TTLL11: variants seen among roughly 807,000 people sequenced by gnomAD.
TTLL11 encodes tubulin tyrosine ligase like 11.
Under a neutral mutation model 51.7 loss-of-function variants are expected in TTLL11, and 42 were observed. The ratio of observed to expected loss-of-function variants is 0.81; its 90% CI spans 0.64 to 1.05. The LOEUF is 1.05. TTLL11 is among the 50% of genes least tolerant of loss of function. The probability of loss-of-function intolerance (pLI) is 0.00; values close to 1 mark genes in which losing one functional copy is unlikely to be tolerated. For synonymous variants in TTLL11, 381 were observed against 383.5 expected (o/e 0.99, Z 0.08); for missense variants, 799 against 940.4 (o/e 0.85, Z 1.97).
At chr9:121,880,686 T>G in intron 6 of TTLL11, among the ~76,000 whole-genome samples, 1 of 152,270 alleles carries the variant, frequency 6.6e-6, no homozygotes, top group East Asian at 1.9e-4. Flanking sequence ...ACTGCCTGGT[T>G]TATGACTATA....
At chr9:121,860,870 C>T (rs1588076540) in intron 7 of TTLL11, among the ~76,000 whole-genome samples, 1 of 152,142 alleles carries the variant, frequency 6.6e-6, no homozygotes, top group Non-Finnish European at 1.5e-5. Context: ...CAGCCTGAAC[C>T]GACTGACATT....
At chr9:121,914,012 C>T (rs1840234415) in intron 6 of TTLL11, among the ~76,000 whole-genome samples, 1 of 152,126 alleles carries the variant, frequency 6.6e-6, no homozygotes, top group South Asian at 2.1e-4. Flanking sequence ...AATTACCATC[C>T]CCACTTTCCA....
At chr9:122,036,565 C>G (rs545860201) in intron 2 of TTLL11, among the ~76,000 whole-genome samples, 2 of 151,748 alleles carry the variant, frequency 1.3e-5, no homozygotes, top group South Asian at 4.2e-4. Flanking sequence ...TAATTTGAAC[C>G]AGGAAATTAC....
In TTLL11 at chr9:122,087,317, C is replaced by T. The variant is rs146559328; in HGVS notation, c.462+5370G>A. Among the ~76,000 whole-genome samples, 619 of 152,204 alleles carry T rather than the reference C, an allele frequency of 4.1e-3. 4 individuals are homozygous for T. Among genetic ancestry groups the T allele is most frequent in the Non-Finnish European group, 4.9e-3 (332 of 68,014 alleles). The stretch of plus-strand genomic sequence containing the variant: ...CTCCGCCTCCCGGGTTCAAGCAATT[C>T]TCGTGCCTCAGCCTCTCAATACAAT... On this transcript the variant is annotated intron_variant, in intron 1 of 8. Coordinates refer to ENST00000321582, the MANE Select transcript of TTLL11 (RefSeq NM_001139442.2).
chr9:121,848,939 A>T (rs979689201), intron 8 of TTLL11, among the ~76,000 whole-genome samples: 1 of 152,262 alleles, frequency 6.6e-6, no homozygotes, highest in Admixed American at 6.5e-5. Context: ...AATAGCAAAC[A>T]TAACACTGAA....
chr9:121,900,314 T>C (rs1245231779), intron 6 of TTLL11, among the ~76,000 whole-genome samples: 1 of 152,276 alleles, frequency 6.6e-6, no homozygotes, highest in African/African-American at 2.4e-5. Flanking sequence ...TTTCACTGAC[T>C]TGTGAATTGC....
chr9:121,985,864 A>T (rs1019617601), intron 4 of TTLL11, among the ~76,000 whole-genome samples: 8 of 152,194 alleles, frequency 5.3e-5, no homozygotes, highest in African/African-American at 1.9e-4. Context: ...TCTGAAATGT[A>T]TGGTAAGACA....
intron 8 of TTLL11, among the ~76,000 whole-genome samples, chr9:121,830,818 T>C (rs1836980715): frequency 6.6e-6 from 1 of 152,152 alleles, no homozygotes; most frequent in Non-Finnish European, 1.5e-5. Context: ...CTGTAGACCA[T>C]GGCAGGACTT....
At chr9:122,030,261 T>C (rs938471299) in intron 3 of TTLL11, among the ~76,000 whole-genome samples, 8 of 151,744 alleles carry the variant, frequency 5.3e-5, no homozygotes, top group African/African-American at 1.9e-4. Flanking sequence ...ATTAACTTTA[T>C]TGAAGCATAG....
intron 6 of TTLL11, among the ~76,000 whole-genome samples, chr9:121,878,563 G>A (rs535233800): frequency 1.3e-5 from 2 of 152,274 alleles, no homozygotes; most frequent in East Asian, 1.9e-4. Flanking sequence ...AGGGCCAGGC[G>A]ACGCATTAAC....
At chr9:121,957,286 G>T (rs1305848826) in intron 6 of TTLL11, among the ~76,000 whole-genome samples, 2 of 152,160 alleles carry the variant, frequency 1.3e-5, no homozygotes, top group Non-Finnish European at 2.9e-5. Flanking sequence ...ACCACCATGG[G>T]AGGAAGAACC....
chr9:121,949,030 A>C (rs183243488), intron 6 of TTLL11, among the ~76,000 whole-genome samples: 17 of 152,288 alleles, frequency 1.1e-4, no homozygotes, highest in Admixed American at 2.6e-4. Context: ...AGGCTGGGCC[A>C]GCCTCTCACA....
chr9:122,052,651 T>C (rs1845193506), intron 1 of TTLL11, among the ~76,000 whole-genome samples: 1 of 152,230 alleles, frequency 6.6e-6, no homozygotes, highest in South Asian at 2.1e-4. Context: ...CATCTTTCTG[T>C]TACCCAAAAG....
intron 6 of TTLL11, among the ~76,000 whole-genome samples, chr9:121,894,114 T>C (rs1218707924): frequency 6.6e-6 from 1 of 152,120 alleles, no homozygotes; most frequent in East Asian, 1.9e-4. Context: ...CTCTCTCCTA[T>C]ATGCCAAGCA....
Position 121,831,699 on chromosome 9 carries a change from C to CA in TTLL11, c.1841-8821dup, listed in dbSNP as rs35519622. Among the ~76,000 whole-genome samples the CA allele has an allele frequency of 3.1e-3, 418 of 133,394 alleles. 4 individuals are homozygous for CA. Among genetic ancestry groups the CA allele is most frequent in the Middle Eastern group, 8.1e-3 (2 of 248 alleles). 87.5% of individuals were successfully genotyped at this position (133,394 alleles called of 152,430 possible). A position where few individuals can be genotyped will look rare whatever the true frequency, so the allele number is the denominator to read the frequency against. ...TGGGCAAGAGAGAGAGACTCTGTCT[C>CA]AAAAAAAAAAAAAAAAGAATGGTTT... On this transcript the variant is annotated intron_variant, in intron 8 of 8. Transcript: ENST00000321582.
chr9:121,919,419 G>A (rs1840444779), intron 6 of TTLL11, among the ~76,000 whole-genome samples: 2 of 152,178 alleles, frequency 1.3e-5, no homozygotes. Flanking sequence ...GAAATAGGAG[G>A]AAAGGAAGAG....
intron 3 of TTLL11, among the ~76,000 whole-genome samples, chr9:122,018,463 T>C (rs1844061123): frequency 2.0e-5 from 3 of 152,220 alleles, no homozygotes; most frequent in Admixed American, 6.5e-5. Flanking sequence ...ATAAAGTGTT[T>C]CATCATCACA....
intron 8 of TTLL11, among the ~76,000 whole-genome samples, chr9:121,826,670 AGAAACCCTCTG>A (rs1272978010): frequency 6.6e-6 from 1 of 150,444 alleles, no homozygotes; most frequent in Non-Finnish European, 1.5e-5. Flanking sequence ...CCTTATTCCC[AGAAACCCTCTG>A]GAGCATCCGT....
At chr9:121,855,580 T>C (rs1013865351) in intron 8 of TTLL11, among the ~76,000 whole-genome samples, 10 of 152,244 alleles carry the variant, frequency 6.6e-5, no homozygotes, top group Middle Eastern at 3.4e-3. Flanking sequence ...GAGGGGAAGA[T>C]GCTTTAGCAC....
Sources: allele counts gnomAD v4.1 joint callset (sites outside exome capture counted in the v4.1 genomes callset), GRCh38; gene constraint gnomAD v4.1.1; transcripts MANE v1.5; gene names NCBI Gene and HGNC (gene_info 2026-07-23, HGNC 2026-07-21).